The following CNTNAP2 variants were observed in gnomAD, a reference collection of about 807,000 sequenced individuals.
CNTNAP2 encodes contactin associated protein 2.
CNTNAP2 carries 98 observed loss-of-function variants against 155.2 expected under a neutral mutation model. The ratio of observed to expected loss-of-function variants is 0.63; its 90% CI spans 0.54 to 0.75. The LOEUF is 0.75. CNTNAP2 is among the 30% of genes least tolerant of loss of function. The pLI is 0.00. For synonymous variants in CNTNAP2, 651 were observed against 631.2 expected (o/e 1.03, Z -0.47); for missense variants, 1,727 against 1,688.1 (o/e 1.02, Z -0.40).
At chr7:147,985,290 G>GGTGGGGA (rs951640969) in intron 15 of CNTNAP2, among the ~76,000 whole-genome samples, 3 of 151,582 alleles carry the variant, frequency 2.0e-5, no homozygotes, top group Non-Finnish European at 4.4e-5. Context: ...GGGGGTGGGG[G>GGTGGGGA]GTGGGGAGTG....
chr7:147,905,134 C>T (rs1799938391), intron 14 of CNTNAP2, among the ~76,000 whole-genome samples: 1 of 152,234 alleles, frequency 6.6e-6, no homozygotes, highest in Admixed American at 6.5e-5. Flanking sequence ...GAATCCCTGT[C>T]CTGACTCACA....
chr7:146,125,390 C>A (rs751561982), intron 1 of CNTNAP2, among the ~76,000 whole-genome samples: 3 of 151,858 alleles, frequency 2.0e-5, no homozygotes, highest in African/African-American at 7.3e-5. Flanking sequence ...TCCTGGCTAA[C>A]ACGGTGAAAC....
intron 1 of CNTNAP2, among the ~76,000 whole-genome samples, chr7:146,399,417 A>T (rs1795682682): frequency 1.3e-5 from 2 of 152,152 alleles, no homozygotes; most frequent in South Asian, 4.1e-4. Context: ...ACATGAGATC[A>T]TGCTGTATTT....
chr7:148,383,763 C>T lies in CNTNAP2; in HGVS notation c.3590C>T (p.Thr1197Ile), dbSNP rs760790277. 6.2e-7 allele frequency: 1 copy of T among 1,614,230 alleles called. No homozygotes were observed. The highest frequency in any genetic ancestry group is 1.7e-5 in the Admixed American group (1 of 60,032). ...CCTCTCAAGGCCGCCTTGAGGCAGA[C>T]AAACGCCTCGGCTCACGTCCACATC... ...IAPLKAALRQ[T>I]NASAHVHIQG... Residue 1197 changes from threonine to isoleucine, a missense_variant, in exon 22 of 24, where the codon ACA (threonine) becomes ATA (isoleucine). By Grantham distance (89) the Thr-to-Ile change is moderately conservative. Transcript: ENST00000361727.
chr7:147,433,639 A>G (rs1448904032), intron 10 of CNTNAP2, among the ~76,000 whole-genome samples: 1 of 152,200 alleles, frequency 6.6e-6, no homozygotes, highest in East Asian at 1.9e-4. Context: ...TAGGATTTTC[A>G]TATTTTCAGA....
chr7:147,245,401 C>T (rs1388259862), intron 8 of CNTNAP2, among the ~76,000 whole-genome samples: 1 of 151,972 alleles, frequency 6.6e-6, no homozygotes, highest in Admixed American at 6.6e-5. Context: ...CCCTGTGGCC[C>T]CCTCAATCCA....
chr7:147,102,219 G>T (rs750742932), intron 4 of CNTNAP2, among the ~76,000 whole-genome samples: 46 of 140,394 alleles, frequency 3.3e-4, no homozygotes, highest in Non-Finnish European at 5.7e-4. Context: ...ATATGATACT[G>T]CCACTGCACA....
chr7:147,712,808 G>A lies in CNTNAP2; in HGVS notation c.2098+73502G>A, dbSNP rs189871342. ...TACCTAATGTAAATGACCAGTTAAC[G>A]GGTGCAGCACACCAACATGGCACAT... On this transcript the variant is annotated intron_variant, in intron 13 of 23. Coordinates refer to ENST00000361727, the MANE Select transcript of CNTNAP2 (RefSeq NM_014141.6). 1.4e-4 allele frequency among the ~76,000 whole-genome samples: 21 copies of A among 152,234 alleles called. 1 individual carries two copies. The South Asian group carries it at 2.3e-3, about 17-fold the overall frequency.
At chr7:146,956,382 A>G (rs1157032097) in intron 3 of CNTNAP2, among the ~76,000 whole-genome samples, 2 of 152,108 alleles carry the variant, frequency 1.3e-5, no homozygotes, top group Non-Finnish European at 2.9e-5. Flanking sequence ...GTTTACTCCT[A>G]TTTATTCACT....
intron 13 of CNTNAP2, among the ~76,000 whole-genome samples, chr7:147,737,305 C>G (rs921904086): frequency 1.3e-5 from 2 of 152,128 alleles, no homozygotes; most frequent in African/African-American, 4.8e-5. Context: ...CCCTGTTTGC[C>G]TGGGTATCAG....
chr7:147,628,558 A>G lies in CNTNAP2; in HGVS notation c.1898-10548A>G, dbSNP rs534042646. Among the ~76,000 whole-genome samples, 8 of 152,310 alleles carry G rather than the reference A, an allele frequency of 5.3e-5. No homozygotes were observed. In the South Asian group the frequency reaches 1.2e-3, roughly 24 times the overall value. On this transcript the variant is annotated intron_variant, in intron 12 of 23. Coordinates refer to ENST00000361727, the MANE Select transcript of CNTNAP2 (RefSeq NM_014141.6). ...CACCAGGCCTATAAAACAATAACACAATTAAAACAAAACATAAGGTATTAA... is the reference window on the plus strand; with the variant it reads ...CACCAGGCCTATAAAACAATAACACGATTAAAACAAAACATAAGGTATTAA...
chr7:146,741,876 G>A (rs910389750), intron 1 of CNTNAP2, among the ~76,000 whole-genome samples: 1 of 151,988 alleles, frequency 6.6e-6, no homozygotes, highest in Non-Finnish European at 1.5e-5. Flanking sequence ...TGGAGCTAGA[G>A]GATAATTAGG....
At chr7:147,500,364 C>A (rs1213767068) in intron 11 of CNTNAP2, among the ~76,000 whole-genome samples, 1 of 152,040 alleles carries the variant, frequency 6.6e-6, no homozygotes, top group Non-Finnish European at 1.5e-5. Flanking sequence ...AACACATTGA[C>A]AGTTCTTATA....
chr7:147,778,355 C>T (rs975045469), intron 13 of CNTNAP2, among the ~76,000 whole-genome samples: 5 of 152,154 alleles, frequency 3.3e-5, no homozygotes, highest in African/African-American at 9.7e-5. Flanking sequence ...TGTCATCATG[C>T]TATAGTCTTC....
chr7:147,550,495 C>T (rs964382784), intron 11 of CNTNAP2, among the ~76,000 whole-genome samples: 1 of 152,178 alleles, frequency 6.6e-6, no homozygotes, highest in Non-Finnish European at 1.5e-5. Flanking sequence ...CTATGTGGAA[C>T]TGGGAGTCCA....
intron 13 of CNTNAP2, among the ~76,000 whole-genome samples, chr7:147,640,493 T>A (rs1343694518): frequency 6.6e-6 from 1 of 152,176 alleles, no homozygotes; most frequent in Non-Finnish European, 1.5e-5. Flanking sequence ...ATTGATTTTT[T>A]AAAATCATGT....
intron 1 of CNTNAP2, among the ~76,000 whole-genome samples, chr7:146,628,788 T>C (rs999618357): frequency 6.6e-6 from 1 of 152,120 alleles, no homozygotes; most frequent in Admixed American, 6.6e-5. Context: ...AATAGTCATC[T>C]CACAGAAACT....
chr7:147,891,117 C>T (rs1240097615), intron 13 of CNTNAP2, among the ~76,000 whole-genome samples: 1 of 151,390 alleles, frequency 6.6e-6, no homozygotes, highest in Non-Finnish European at 1.5e-5. Context: ...AGGATATATC[C>T]AAAGGAAGTA....
chr7:146,947,576 C>T (rs9801471), intron 3 of CNTNAP2, among the ~76,000 whole-genome samples: 40,723 of 93,484 alleles, frequency 0.44, 8,497 homozygotes, highest in African/African-American at 0.61. Context: ...TATATATATA[C>T]ATATATATAT....
Sources: gnomAD v4.1 joint callset for allele counts (sites outside exome capture counted in the v4.1 genomes callset) on GRCh38, gnomAD v4.1.1 for gene constraint, MANE v1.5 for transcripts, NCBI Gene and HGNC (gene_info 2026-07-23, HGNC 2026-07-21) for gene names.